TRIM72: variants seen among roughly 807,000 people sequenced by gnomAD.
TRIM72 encodes tripartite motif containing 72.
Under a neutral mutation model 31.6 loss-of-function variants are expected in TRIM72, and 33 were observed. The ratio of observed to expected loss-of-function variants is 1.04; its 90% CI spans 0.79 to 1.40. The LOEUF is 1.40. Among genes scored for constraint, TRIM72 ranks in the 40% most tolerant of loss-of-function variants. The probability of loss-of-function intolerance (pLI) is 0.00; values close to 1 mark genes in which losing one functional copy is unlikely to be tolerated. For missense variants in TRIM72, 666 were observed against 682.7 expected (o/e 0.98, Z 0.27); for synonymous variants, 301 against 314.4 (o/e 0.96, Z 0.45).
intron 2 of TRIM72, chr16:31,217,009 G>A: frequency 6.2e-7 from 1 of 1,612,814 alleles, no homozygotes; most frequent in Non-Finnish European, 8.5e-7. Flanking sequence ...CTTCAGGATG[G>A]CCTCGCGCTT....
chr16:31,216,594 C>T lies in TRIM72; in HGVS notation c.390+1466C>T. ...GCAGCCCACCAGGGTTCGCGGCAGC[C>T]CAGCCCTTCGCCCCCGGGAGGGGCT... On this transcript the variant is annotated intron_variant, in intron 2 of 6. Coordinates refer to ENST00000322122, the MANE Select transcript of TRIM72 (RefSeq NM_001008274.4). The surrounding 1 kb of genome is among the most constrained non-coding windows in gnomAD (Gnocchi z 6.7). The T allele has an allele frequency of 2.4e-6, 2 of 828,240 alleles. No individual in the cohort carries two copies. Among genetic ancestry groups the T allele is most frequent in the East Asian group, 2.5e-5 (1 of 39,268 alleles). 51.3% of individuals were successfully genotyped at this position (828,240 alleles called of 1,614,324 possible).
Position 31,227,706 on chromosome 16 carries a change from TGCA to T in TRIM72, c.*2954_*2956del, listed in dbSNP as rs1459611102. The T allele has an allele frequency of 2.6e-5, 4 of 152,286 alleles. No homozygotes were observed. The highest frequency in any genetic ancestry group is 9.6e-5 in the African/African-American group (4 of 41,454). The allele number at this position is 152,286 out of a possible 1,614,324, so 9.4% of individuals were successfully genotyped here. ...GTGCAATGGTGTGATTGTGGCTCAC[TGCA>T]GCCTTGACCTCCTGGGCTCACATGA... is the stretch of plus-strand genomic sequence containing the variant. On this transcript the variant is annotated 3_prime_UTR_variant, in exon 7 of 7. Transcript: ENST00000322122.
In TRIM72 at chr16:31,221,751, GGGGAGAAGGGCATTGCT is replaced by G. The variant is rs1314578358; in HGVS notation, c.740+867_740+883del. ...ATTGCTGGGAGAAGAAGCGCACTGTGGGGAGAAGGGCATTGCTGGGAGAAGGGCATTGCTGGGAGAAG... is the reference window on the plus strand; with the variant it reads ...ATTGCTGGGAGAAGAAGCGCACTGTGGGGAGAAGGGCATTGCTGGGAGAAG... On this transcript the variant is annotated intron_variant, in intron 5 of 6. Coordinates refer to ENST00000322122, the MANE Select transcript of TRIM72 (RefSeq NM_001008274.4). Among the ~76,000 whole-genome samples, 1,354 of 145,014 alleles carry G rather than the reference GGGGAGAAGGGCATTGCT, an allele frequency of 9.3e-3. 25 individuals carry two copies. Among genetic ancestry groups the G allele is most frequent in the African/African-American group, 0.033 (1,277 of 38,336 alleles).
intron 1 of TRIM72, among the ~76,000 whole-genome samples, chr16:31,214,507 T>G (rs190489362): frequency 3.9e-4 from 60 of 152,220 alleles, no homozygotes; most frequent in African/African-American, 1.3e-3. Flanking sequence ...GGCATATTTT[T>G]GGGGTTGGAG....
chr16:31,225,461 G>C lies in TRIM72; in HGVS notation c.*706G>C, dbSNP rs535871503. 3 of 151,918 alleles carry C rather than the reference G, an allele frequency of 2.0e-5. No homozygotes were observed. The East Asian group carries it at 5.8e-4, about 29-fold the overall frequency. 9.4% of individuals were successfully genotyped at this position (151,918 alleles called of 1,614,324 possible). ...TGCCTCACACTCCCCTCCTCCTTAG[G>C]CCTTGGGTCCCCCGCTCCAGATTCA... On this transcript the variant is annotated 3_prime_UTR_variant, in exon 7 of 7. Coordinates refer to ENST00000322122, the MANE Select transcript of TRIM72 (RefSeq NM_001008274.4).
chr16:31,221,005 G>A, intron 5 of TRIM72, 87 bp downstream of exon 5: 1 of 1,540,810 alleles, frequency 6.5e-7, no homozygotes, highest in South Asian at 1.1e-5. Flanking sequence ...TCACTATTGT[G>A]CCTGCACACC....
chr16:31,220,634 ATT>A (rs1043753773), intron 4 of TRIM72, among the ~76,000 whole-genome samples: 1 of 149,856 alleles, frequency 6.7e-6, no homozygotes, highest in East Asian at 2.0e-4. Context: ...ATGCCCAGCT[ATT>A]TTTTTTGTAT....
chr16:31,219,090 C>G lies in TRIM72; in HGVS notation c.391-5C>G. The G allele has an allele frequency of 6.4e-7, 1 of 1,564,216 alleles. No homozygotes were observed. Among genetic ancestry groups the G allele is most frequent in the East Asian group, 2.4e-5 (1 of 42,188 alleles). On this transcript the variant is annotated splice_polypyrimidine_tract_variant and splice_region_variant and intron_variant, in intron 2 of 6. Coordinates refer to ENST00000322122, the MANE Select transcript of TRIM72 (RefSeq NM_001008274.4). This position sits in a 1 kb window ranked among gnomAD's most constrained non-coding sequence, Gnocchi z 4.2. Reference sequence around the variant, plus strand: ...CCCATCACTTCTCCATGCCTCGACCCCCAGACACAGCTGCCACAGCAGAAA... The same window carrying G: ...CCCATCACTTCTCCATGCCTCGACCGCCAGACACAGCTGCCACAGCAGAAA...
At position 31,214,936 on chromosome 16, in the gene TRIM72, C is replaced by T. The variant is rs765906090; in HGVS notation, c.198C>T (p.Ser66=). Residue 66 remains serine (S), a synonymous_variant, in exon 2 of 7, where the codon AGC becomes AGT. Transcript: ENST00000322122. ...CCCCCACGCGGCCGCAGGCACTCAG[C>T]ACCAACCTGCAGCTGGCGCGCCTGG... ...CQAPTRPQAL[S]TNLQLARLVE... 1 of 1,498,324 alleles carries T rather than the reference C, an allele frequency of 6.7e-7. No individual in the cohort carries two copies. The highest frequency in any genetic ancestry group is 2.7e-5 in the East Asian group (1 of 37,426). The allele number at this position is 1,498,324 out of a possible 1,614,324, so 92.8% of individuals were successfully genotyped here. A position where few individuals can be genotyped will look rare whatever the true frequency, so the allele number is the denominator to read the frequency against.
rs1476750978 is a variant in TRIM72 at position 31,222,194 on chromosome 16, A to G, written c.741-633A>G. ...GATCACCTGAGGTCAGCAGTTCGAG[A>G]CTAGCCTGGCCAACATGGCAAAACC... On this transcript the variant is annotated intron_variant, in intron 5 of 6. Coordinates refer to ENST00000322122, the MANE Select transcript of TRIM72 (RefSeq NM_001008274.4). Among the ~76,000 whole-genome samples the G allele has an allele frequency of 8.5e-5, 13 of 152,148 alleles. 1 individual carries two copies. Among genetic ancestry groups the G allele is most frequent in the Non-Finnish European group, 7.4e-5 (5 of 68,016 alleles).
At chr16:31,217,215 TC>T in intron 2 of TRIM72, 1 of 637,268 alleles carries the variant, frequency 1.6e-6, no homozygotes, top group Non-Finnish European at 2.6e-6. Flanking sequence ...TCCCCCAGTT[TC>T]CCCTGGGAGA....
At chr16:31,218,035 G>A (rs1392074728) in intron 2 of TRIM72, among the ~76,000 whole-genome samples, 1 of 152,188 alleles carries the variant, frequency 6.6e-6, no homozygotes, top group Non-Finnish European at 1.5e-5. Context: ...TTAAGTAAGA[G>A]AGGAAGCCCA....
rs1199686122 is a variant in TRIM72 at position 31,216,243 on chromosome 16, C to G, written c.390+1115C>G. On this transcript the variant is annotated intron_variant, in intron 2 of 6. Transcript: ENST00000322122. This position sits in a 1 kb window ranked among gnomAD's most constrained non-coding sequence, Gnocchi z 6.7. The stretch of plus-strand genomic sequence containing the variant: ...CCCAGCCTCTCAGTCCTGCCTGGCC[C>G]AGTTCAGCCCAGTCCTAGCTGGTGG... 6.5e-6 allele frequency: 1 copy of G among 153,220 alleles called. No individual in the cohort carries two copies. Among genetic ancestry groups the G allele is most frequent in the Non-Finnish European group, 1.5e-5 (1 of 68,794 alleles). 9.5% of individuals were successfully genotyped at this position (153,220 alleles called of 1,614,324 possible).
chr16:31,214,837 C>T lies in TRIM72; in HGVS notation c.99C>T (p.Phe33=). 6.4e-7 allele frequency: 1 copy of T among 1,552,012 alleles called. No individual in the cohort carries two copies. The highest frequency in any genetic ancestry group is 1.2e-5 in the South Asian group (1 of 85,842). Residue 33 remains phenylalanine (F), a synonymous_variant, in exon 2 of 7, where the codon TTC becomes TTT. Coordinates refer to ENST00000322122, the MANE Select transcript of TRIM72 (RefSeq NM_001008274.4). The part of the protein sequence containing the change: ...APVTAECGHS[F]CRACLGRVAG... The stretch of plus-strand genomic sequence containing the variant: ...TGACAGCCGAGTGCGGCCACAGTTT[C>T]TGCCGCGCCTGCCTAGGCCGCGTGG...
rs989552606 is a variant in TRIM72 at position 31,230,387 on chromosome 16, T to A, written c.*5632T>A. The stretch of plus-strand genomic sequence containing the variant: ...CTGTCTTTGTTTCTTGCTTCTGTAA[T>A]ATGCTTCCCCCTGCACAGATCTCCC... On this transcript the variant is annotated 3_prime_UTR_variant, in exon 7 of 7. Coordinates refer to ENST00000322122, the MANE Select transcript of TRIM72 (RefSeq NM_001008274.4). 6.6e-6 allele frequency: 1 copy of A among 152,206 alleles called. No homozygotes were observed. The highest frequency in any genetic ancestry group is 2.4e-5 in the African/African-American group (1 of 41,446). The allele number at this position is 152,206 out of a possible 1,614,324, so 9.4% of individuals were successfully genotyped here. A position where few individuals can be genotyped will look rare whatever the true frequency, so the allele number is the denominator to read the frequency against.
At chr16:31,222,162 G>A (rs1250102711) in intron 5 of TRIM72, among the ~76,000 whole-genome samples, 1 of 152,190 alleles carries the variant, frequency 6.6e-6, no homozygotes, top group Non-Finnish European at 1.5e-5. Context: ...GGAGGCTGAG[G>A]CGGGCAGATC....
At position 31,229,241 on chromosome 16, in the gene TRIM72, T is replaced by G. The variant is rs778283863; in HGVS notation, c.*4486T>G. ...GGGCCATCAGACCGTGTCGCAAGTC[T>G]GCTGTTCGTGTGGGAGGGAGGGAGG... On this transcript the variant is annotated 3_prime_UTR_variant, in exon 7 of 7. Transcript: ENST00000322122. The G allele has an allele frequency of 4.1e-5, 6 of 145,556 alleles. No individual in the cohort carries two copies. The highest frequency in any genetic ancestry group is 2.4e-4 in the South Asian group (1 of 4,176). The allele number at this position is 145,556 out of a possible 1,614,324, so 9.0% of individuals were successfully genotyped here.
At position 31,214,939 on chromosome 16, in the gene TRIM72, C is replaced by T. The variant is rs1320951194; in HGVS notation, c.201C>T (p.Thr67=). 1 of 1,495,990 alleles carries T rather than the reference C, an allele frequency of 6.7e-7. No homozygotes were observed. Among genetic ancestry groups the T allele is most frequent in the African/African-American group, 1.4e-5 (1 of 68,980 alleles). The allele number at this position is 1,495,990 out of a possible 1,614,324, so 92.7% of individuals were successfully genotyped here. A position where few individuals can be genotyped will look rare whatever the true frequency, so the allele number is the denominator to read the frequency against. The change falls in exon 2 of 7, where the codon ACC becomes ACT. Residue 67 remains threonine, a synonymous_variant. Transcript: ENST00000322122. The part of the protein sequence containing the change: ...QAPTRPQALS[T]NLQLARLVEG... The stretch of plus-strand genomic sequence containing the variant: ...CCACGCGGCCGCAGGCACTCAGCAC[C>T]AACCTGCAGCTGGCGCGCCTGGTGG...
Position 31,225,975 on chromosome 16 carries a change from T to C in TRIM72, c.*1220T>C, listed in dbSNP as rs879848089. 1.3e-5 allele frequency: 2 copies of C among 151,770 alleles called. No individual in the cohort carries two copies. Among genetic ancestry groups the C allele is most frequent in the Non-Finnish European group, 2.9e-5 (2 of 67,968 alleles). 9.4% of individuals were successfully genotyped at this position (151,770 alleles called of 1,614,324 possible). A position where few individuals can be genotyped will look rare whatever the true frequency, so the allele number is the denominator to read the frequency against. On this transcript the variant is annotated 3_prime_UTR_variant, in exon 7 of 7. Transcript: ENST00000322122. ...AAAATGCTCATTTTTTTTTTTTTAATTTAGTTTTTGTAGAAATGGTGTCTC... is the reference window on the plus strand; with the variant it reads ...AAAATGCTCATTTTTTTTTTTTTAACTTAGTTTTTGTAGAAATGGTGTCTC...
Sources: gnomAD v4.1 joint callset for allele counts (sites outside exome capture counted in the v4.1 genomes callset) on GRCh38, gnomAD v4.1.1 for gene constraint, Gnocchi (gnomAD v3.1) non-coding constraint, MANE v1.5 for transcripts, NCBI Gene and HGNC (gene_info 2026-07-23, HGNC 2026-07-21) for gene names.